The following RPF1 variants were observed in gnomAD, a reference collection of about 807,000 sequenced individuals.
The protein encoded by RPF1 is ribosome production factor 1 homolog.
In RPF1, 34 loss-of-function variants were observed where a neutral mutation model predicts 41.9. The ratio of observed to expected loss-of-function variants is 0.81; its 90% confidence interval spans 0.62 to 1.08. RPF1 has a LOEUF of 1.08. RPF1 is among the 50% of genes least tolerant of loss of function. The probability of loss-of-function intolerance (pLI) is 0.00; values close to 1 mark genes in which losing one functional copy is unlikely to be tolerated. For synonymous variants in RPF1, 140 were observed against 148.9 expected (o/e 0.94, Z 0.43); for missense variants, 425 against 435.2 (o/e 0.98, Z 0.21).
chr1:84,488,139 A>G (rs1432881446), intron 3 of RPF1, among the ~76,000 whole-genome samples: 3 of 152,044 alleles, frequency 2.0e-5, no homozygotes, highest in African/African-American at 7.2e-5. Flanking sequence ...CCCTCTCTTC[A>G]GATGTGTTTT....
chr1:84,483,484 C>T (rs1681687363), intron 3 of RPF1, among the ~76,000 whole-genome samples: 1 of 152,254 alleles, frequency 6.6e-6, no homozygotes, highest in Non-Finnish European at 1.5e-5. Context: ...CCAGGCTGGT[C>T]TCGAACTCCT....
At position 84,480,943 on chromosome 1, in the gene RPF1, T is replaced by C. The variant is rs773249998; in HGVS notation, c.229-13T>C. 1.4e-5 allele frequency: 21 copies of C among 1,466,296 alleles called. No individual in the cohort carries two copies. The Admixed American group carries it at 3.3e-4, about 23-fold the overall frequency. 90.8% of individuals were successfully genotyped at this position (1,466,296 alleles called of 1,614,324 possible). A position where few individuals can be genotyped will look rare whatever the true frequency, so the allele number is the denominator to read the frequency against. On this transcript the variant is annotated splice_polypyrimidine_tract_variant and intron_variant, in intron 1 of 8. Transcript: ENST00000370654. ...GTTTCTCAGTATTGTTCTCTTTTTT[T>C]TTAACCCTTTAGGAAAAGTTGGCAG...
At chr1:84,491,404 C>CT (rs1373551153) in intron 5 of RPF1, among the ~76,000 whole-genome samples, 1 of 152,108 alleles carries the variant, frequency 6.6e-6, no homozygotes, top group Non-Finnish European at 1.5e-5. Context: ...AGTGAACACT[C>CT]TATTAGTGGT....
At chr1:84,487,692 C>T (rs976833575) in intron 3 of RPF1, among the ~76,000 whole-genome samples, 8 of 152,068 alleles carry the variant, frequency 5.3e-5, no homozygotes, top group Admixed American at 2.0e-4. Context: ...TTCTTTCCTT[C>T]TAAAATAATT....
intron 5 of RPF1, among the ~76,000 whole-genome samples, chr1:84,493,312 T>G (rs1681866056): frequency 7.0e-6 from 1 of 143,214 alleles, no homozygotes; most frequent in African/African-American, 2.6e-5. Context: ...GATAATCTGA[T>G]GCATGGTAGG....
chr1:84,486,274 C>G (rs1261478641), intron 3 of RPF1, among the ~76,000 whole-genome samples: 1 of 151,952 alleles, frequency 6.6e-6, no homozygotes, highest in Non-Finnish European at 1.5e-5. Flanking sequence ...AAATGAAGAG[C>G]CACTGGGTGG....
chr1:84,483,568 G>A (rs1681689330), intron 3 of RPF1, among the ~76,000 whole-genome samples: 1 of 151,990 alleles, frequency 6.6e-6, no homozygotes, highest in Non-Finnish European at 1.5e-5. Flanking sequence ...CGCCTGGCCT[G>A]GTGGTTTTAA....
At chr1:84,480,769 G>A (rs1681630401) in intron 1 of RPF1, among the ~76,000 whole-genome samples, 187 bp from the exon 2 acceptor site, 2 of 152,182 alleles carry the variant, frequency 1.3e-5, no homozygotes, top group African/African-American at 4.8e-5. Context: ...AAATCTTATT[G>A]ATTGGCCAGC....
chr1:84,482,871 A>T (rs1234942737), intron 2 of RPF1, 44 bp from the exon 3 acceptor site: 5 of 1,192,986 alleles, frequency 4.2e-6, no homozygotes, highest in Non-Finnish European at 6.2e-6. Flanking sequence ...TAATATAATT[A>T]ATGTAAAATC....
intron 3 of RPF1, among the ~76,000 whole-genome samples, chr1:84,484,854 A>G (rs1681710218): frequency 6.6e-6 from 1 of 151,798 alleles, no homozygotes; most frequent in African/African-American, 2.4e-5. Flanking sequence ...TTGTATTTTT[A>G]GTAGAGACAG....
In RPF1 at chr1:84,479,427, C is replaced by T. The variant is rs1443956505; in HGVS notation, c.146C>T (p.Pro49Leu). The T allele has an allele frequency of 1.9e-6, 3 of 1,614,242 alleles. No individual in the cohort carries two copies. The highest frequency in any genetic ancestry group is 2.5e-6 in the Non-Finnish European group (3 of 1,180,042). ...GVQPPKAAAF[P>L]PGFSISEIKN... Reference sequence around the variant, plus strand: ...CAACCCCCGAAAGCGGCTGCCTTTCCGCCAGGCTTTAGCATTTCGGAGATT... The same window carrying T: ...CAACCCCCGAAAGCGGCTGCCTTTCTGCCAGGCTTTAGCATTTCGGAGATT... The change falls in exon 1 of 9, where the codon CCG becomes CTG. Residue 49 changes from proline to leucine, a missense_variant. Transcript: ENST00000370654.
chr1:84,484,375 A>G (rs1681703324), intron 3 of RPF1, among the ~76,000 whole-genome samples: 1 of 152,004 alleles, frequency 6.6e-6, no homozygotes. Flanking sequence ...ATTCAATATT[A>G]TCTGTTCTAT....
At chr1:84,485,237 T>C (rs1032319641) in intron 3 of RPF1, among the ~76,000 whole-genome samples, 1 of 152,128 alleles carries the variant, frequency 6.6e-6, no homozygotes, top group Non-Finnish European at 1.5e-5. Context: ...TAGCTGGGAC[T>C]ACAGGCTCAC....
rs116411628 is a variant in RPF1 at position 84,481,512 on chromosome 1, A to G, written c.285+500A>G. On this transcript the variant is annotated intron_variant, in intron 2 of 8. Coordinates refer to ENST00000370654, the MANE Select transcript of RPF1 (RefSeq NM_025065.7). ...AGATCCTCTTCTGGAGTAGGGTGAT[A>G]AGGGTGTGTTAAGCTTTAGAGCTGG... is the stretch of plus-strand genomic sequence containing the variant. Among the ~76,000 whole-genome samples, 376 of 152,290 alleles carry G rather than the reference A, an allele frequency of 2.5e-3. 1 individual carries two copies. The highest frequency in any genetic ancestry group is 3.4e-3 in the Middle Eastern group (1 of 294).
At chr1:84,486,281 G>T (rs956240047) in intron 3 of RPF1, among the ~76,000 whole-genome samples, 6 of 151,974 alleles carry the variant, frequency 3.9e-5, no homozygotes, top group African/African-American at 1.4e-4. Flanking sequence ...GAGCCACTGG[G>T]TGGGTTAGAA....
At chr1:84,497,366 C>G in intron 8 of RPF1, 63 bp from the exon 9 acceptor site, 1 of 1,393,266 alleles carries the variant, frequency 7.2e-7, no homozygotes, top group Non-Finnish European at 1.0e-6. Context: ...ACTGTCTTAC[C>G]TGAATTGTTA....
Position 84,495,415 on chromosome 1 carries a change from AT to A in RPF1, c.663del (p.Phe221LeufsTer3). On this transcript the variant is annotated frameshift_variant, in exon 6 of 9. Coordinates refer to ENST00000370654, the MANE Select transcript of RPF1 (RefSeq NM_025065.7). LOFTEE classifies it high-confidence loss of function. ...LSHLPNGPTAHFKMSSVRLRK... is the reference protein window; with the variant it reads ...LSHLPNGPTAXFKMSSVRLRK... ...CACTTGCCAAATGGCCCAACTGCTC[AT>A]TTTAAAATGAGCAGTGTTCGTCTTC... 1 of 1,536,766 alleles carries A rather than the reference AT, an allele frequency of 6.5e-7. No homozygotes were observed. The highest frequency in any genetic ancestry group is 8.9e-7 in the Non-Finnish European group (1 of 1,124,382).
chr1:84,489,533 A>G, intron 3 of RPF1, 100 bp from the exon 4 acceptor site: 1 of 694,336 alleles, frequency 1.4e-6, no homozygotes, highest in South Asian at 1.6e-5. Flanking sequence ...CCTATCAGCT[A>G]GATACTCAGT....
At chr1:84,493,658 T>A (rs1451692852) in intron 5 of RPF1, among the ~76,000 whole-genome samples, 1 of 151,950 alleles carries the variant, frequency 6.6e-6, no homozygotes, top group Non-Finnish European at 1.5e-5. Context: ...GGAAGAAAGG[T>A]GTTTTCCTAA....
Sources: gnomAD v4.1 joint callset for allele counts (sites outside exome capture counted in the v4.1 genomes callset) on GRCh38, gnomAD v4.1.1 for gene constraint, MANE v1.5 for transcripts, NCBI Gene and HGNC (gene_info 2026-07-23, HGNC 2026-07-21) for gene names.